GPM6B: variants seen among roughly 807,000 people sequenced by gnomAD.
GPM6B encodes neuronal membrane glycoprotein M6-b.
In GPM6B, 4 loss-of-function variants were observed where a neutral mutation model predicts 27.2. That is an observed-to-expected ratio of 0.15 (90% CI 0.07 to 0.34). GPM6B has a LOEUF of 0.34. Among genes scored for constraint, GPM6B ranks in the 10% least tolerant of loss-of-function variants. The pLI is 1.00. For synonymous variants in GPM6B, 124 were observed against 103.1 expected (o/e 1.20, Z -1.23); for missense variants, 183 against 261.9 (o/e 0.70, Z 2.08).
intron 1 of GPM6B, among the ~76,000 whole-genome samples, chrX:13,860,066 A>ACAT (rs1210987723): frequency 8.9e-6 from 1 of 112,493 alleles, no homozygotes; most frequent in Admixed American, 9.4e-5. Flanking sequence ...GACAATGGAT[A>ACAT]CATCACTTGG....
At chrX:13,783,588 G>T in intron 3 of GPM6B, 67 bp from the exon 4 acceptor site, 1 of 902,927 alleles carries the variant, frequency 1.1e-6, no homozygotes, top group Non-Finnish European at 1.6e-6. Context: ...GTTTCTGGAC[G>T]CTGGAGAGAG....
At chrX:13,773,140 A>G (rs1319929528) in intron 7 of GPM6B, 110 bp from the exon 8 acceptor site, 2 of 600,506 alleles carry the variant, frequency 3.3e-6, no homozygotes, top group Non-Finnish European at 5.2e-6. Context: ...TTAATTCTGT[A>G]TTAATAAATA....
chrX:13,821,177 G>A (rs978732302), upstream of GPM6B, among the ~76,000 whole-genome samples: 1 of 111,707 alleles, frequency 9.0e-6, no homozygotes, highest in African/African-American at 3.3e-5. Flanking sequence ...GAATGATGGG[G>A]AAGGATATAA....
chrX:13,812,467 T>C (rs1324079783), intron 1 of GPM6B, among the ~76,000 whole-genome samples: 3 of 111,912 alleles, frequency 2.7e-5, no homozygotes, highest in African/African-American at 9.7e-5. Flanking sequence ...CTCCGTTCCA[T>C]GGCCATCCCT....
Position 13,812,044 on chromosome X carries a change from C to CTTTTTTTT in GPM6B, c.62-4276_62-4275insAAAAAAAA, listed in dbSNP as rs752162419. Among the ~76,000 whole-genome samples, 63 of 82,650 alleles carry CTTTTTTTT rather than the reference C, an allele frequency of 7.6e-4. 3 individuals carry two copies. Among genetic ancestry groups the CTTTTTTTT allele is most frequent in the African/African-American group, 2.1e-3 (44 of 21,130 alleles). The allele number at this position is 82,650 out of a possible 115,157, so 71.8% of individuals were successfully genotyped here. On this transcript the variant is annotated intron_variant, in intron 1 of 7. Coordinates refer to ENST00000316715, the MANE Select transcript of GPM6B (RefSeq NM_001001995.3). ...TTTCAAAGGAGAACACTTTTCTTTT[C>CTTTTTTTT]TTTCTTTTTTTTTTTTTTTTTTTGA... is the stretch of plus-strand genomic sequence containing the variant.
chrX:13,933,021 C>T (rs140378920), intron 1 of GPM6B, among the ~76,000 whole-genome samples: 1,935 of 85,437 alleles, frequency 0.023, 42 homozygotes, highest in African/African-American at 0.089. Flanking sequence ...TATTAAAGAA[C>T]AATAATTTAC....
intron 1 of GPM6B, among the ~76,000 whole-genome samples, chrX:13,897,596 C>T (rs147785638): frequency 4.5e-4 from 51 of 112,126 alleles, no homozygotes; most frequent in African/African-American, 1.6e-3. Flanking sequence ...ATCTGTTACT[C>T]TCTGGAGGGG....
At chrX:13,809,245 A>T (rs1052721383) in intron 1 of GPM6B, among the ~76,000 whole-genome samples, 9 of 111,839 alleles carry the variant, frequency 8.0e-5, no homozygotes, top group Non-Finnish European at 1.3e-4. Context: ...GAACCTTAGC[A>T]ATTTCACTCA....
chrX:13,877,112 C>T (rs892853981), intron 1 of GPM6B, among the ~76,000 whole-genome samples: 18 of 111,510 alleles, frequency 1.6e-4, no homozygotes, highest in African/African-American at 4.2e-4. Context: ...AGCTCAAGAT[C>T]CACTGGGAAA....
intron 2 of GPM6B, among the ~76,000 whole-genome samples, chrX:13,798,417 GACATACCTGTTCCTCTA>G (rs1445644911): frequency 9.1e-6 from 1 of 109,812 alleles, no homozygotes; most frequent in Non-Finnish European, 1.9e-5. Flanking sequence ...CGCTGAGGAA[GACATACCTGTTCCTCTA>G]ACCACAATAA....
At chrX:13,787,612 G>A (rs1483476298) in intron 2 of GPM6B, among the ~76,000 whole-genome samples, 1 of 112,281 alleles carries the variant, frequency 8.9e-6, no homozygotes, top group African/African-American at 3.2e-5. Context: ...TAGCAAGTCA[G>A]TATCTTAAAG....
intron 2 of GPM6B, among the ~76,000 whole-genome samples, chrX:13,788,048 A>C (rs953986837): frequency 9.8e-5 from 11 of 112,250 alleles, no homozygotes; most frequent in Non-Finnish European, 1.9e-4. Context: ...CACATTTCAT[A>C]TGCTCAAAAG....
chrX:13,875,307 G>A (rs918195230), intron 1 of GPM6B, among the ~76,000 whole-genome samples: 46 of 111,188 alleles, frequency 4.1e-4, no homozygotes, highest in African/African-American at 1.5e-3. Context: ...CTGAATGAGG[G>A]GTGCTCATAG....
rs1439060379 is a variant in GPM6B at position 13,772,556 on chromosome X, G to A, written c.*325C>T. Reference sequence around the variant, plus strand: ...AGGAGTCACAGGTCCCTATTAAGGAGTGTGACATATTCCATTGAGTGTCTT... The same window carrying A: ...AGGAGTCACAGGTCCCTATTAAGGAATGTGACATATTCCATTGAGTGTCTT... On this transcript the variant is annotated 3_prime_UTR_variant, in exon 8 of 8. Coordinates refer to ENST00000316715, the MANE Select transcript of GPM6B (RefSeq NM_001001995.3). 1 of 208,814 alleles carries A rather than the reference G, an allele frequency of 4.8e-6. No homozygotes were observed. The highest frequency in any genetic ancestry group is 8.8e-6 in the Non-Finnish European group (1 of 113,287). The allele number at this position is 208,814 out of a possible 1,213,427, so 17.2% of individuals were successfully genotyped here.
At chrX:13,878,937 A>C (rs188550644) in intron 1 of GPM6B, among the ~76,000 whole-genome samples, 1 of 112,220 alleles carries the variant, frequency 8.9e-6, no homozygotes, top group East Asian at 2.8e-4. Context: ...GGGCAAGGAA[A>C]TGGATTCTCC....
At chrX:13,872,125 T>C (rs1478978491) in intron 1 of GPM6B, among the ~76,000 whole-genome samples, 2 of 106,371 alleles carry the variant, frequency 1.9e-5, no homozygotes, top group Non-Finnish European at 3.9e-5. Context: ...GCTAGCAGAA[T>C]AGGAGTGCTG....
At chrX:13,901,007 T>A (rs1475619904) in intron 1 of GPM6B, among the ~76,000 whole-genome samples, 4 of 112,121 alleles carry the variant, frequency 3.6e-5, no homozygotes, top group African/African-American at 1.3e-4. Flanking sequence ...ACTTGCAATG[T>A]CCCTTTGCCT....
intron 5 of GPM6B, among the ~76,000 whole-genome samples, chrX:13,778,535 TAAGGA>T (rs755427727): frequency 2.3e-3 from 255 of 111,709 alleles, no homozygotes; most frequent in Non-Finnish European, 3.8e-3. Flanking sequence ...CCTAGGAGGT[TAAGGA>T]AAGGAGTATT....
chrX:13,791,914 A>AC lies in GPM6B; in HGVS notation c.182-6107dup, dbSNP rs768872547. ...CACACACACACACACCCTCCCAAACACCCCCCAACAAACACCACACAAAAA... is the reference window on the plus strand; with the variant it reads ...CACACACACACACACCCTCCCAAACACCCCCCCAACAAACACCACACAAAAA... On this transcript the variant is annotated intron_variant, in intron 2 of 7. Coordinates refer to ENST00000316715, the MANE Select transcript of GPM6B (RefSeq NM_001001995.3). Among the ~76,000 whole-genome samples, 9 of 107,383 alleles carry AC rather than the reference A, an allele frequency of 8.4e-5. No individual in the cohort carries two copies. In the East Asian group the frequency reaches 1.2e-3, roughly 14 times the overall value. The allele number at this position is 107,383 out of a possible 115,157, so 93.2% of individuals were successfully genotyped here.
Sources: gnomAD v4.1 joint callset for allele counts (sites outside exome capture counted in the v4.1 genomes callset) on GRCh38, gnomAD v4.1.1 for gene constraint, MANE v1.5 for transcripts, NCBI Gene and HGNC (gene_info 2026-07-23, HGNC 2026-07-21) for gene names.